Variants in SYNCRIP observed in about 807,000 individuals in gnomAD.
SYNCRIP encodes heterogeneous nuclear ribonucleoprotein Q.
Under a neutral mutation model 68.9 loss-of-function variants are expected in SYNCRIP, and 9 were observed. The ratio of observed to expected loss-of-function variants is 0.13; its 90% confidence interval spans 0.08 to 0.23. SYNCRIP has a LOEUF of 0.23. Among genes scored for constraint, SYNCRIP ranks in the 10% least tolerant of loss-of-function variants. The pLI is 1.00. For synonymous variants in SYNCRIP, 258 were observed against 254.0 expected (o/e 1.02, Z -0.15); for missense variants, 414 against 770.6 (o/e 0.54, Z 5.48).
chr6:85,623,583 A>AAAAAAAAAAAACAAAAAAC (rs1562087872), intron 7 of SYNCRIP, among the ~76,000 whole-genome samples: 1 of 144,006 alleles, frequency 6.9e-6, no homozygotes, highest in African/African-American at 2.5e-5. Flanking sequence ...AAAAAAAAAA[A>AAAAAAAAAAAACAAAAAAC]CACTCTGCTA....
At chr6:85,640,408 C>T in intron 3 of SYNCRIP, 38 bp downstream of exon 3, 1 of 1,578,824 alleles carries the variant, frequency 6.3e-7, no homozygotes. Context: ...ATCAAAACTA[C>T]TCAAATTTTT....
intron 10 of SYNCRIP, among the ~76,000 whole-genome samples, chr6:85,617,420 G>A (rs971719184): frequency 1.3e-5 from 2 of 151,962 alleles, no homozygotes; most frequent in East Asian, 1.9e-4. Context: ...ACCATATATC[G>A]TCTTCTGAAA....
In SYNCRIP at chr6:85,639,150, G is replaced by A. The variant is rs144599282; in HGVS notation, c.375+1071C>T. 7.7e-3 allele frequency among the ~76,000 whole-genome samples: 1,171 copies of A among 152,270 alleles called. 13 individuals carry two copies. Among genetic ancestry groups the A allele is most frequent in the African/African-American group, 0.027 (1,128 of 41,558 alleles). On this transcript the variant is annotated intron_variant, in intron 4 of 10. Transcript: ENST00000369622. Reference sequence around the variant, plus strand: ...TCGAACCCGCGAGGTGGAGGTTGCAGTGAGCCAAGATCACGCCACTGCACT... The same window carrying A: ...TCGAACCCGCGAGGTGGAGGTTGCAATGAGCCAAGATCACGCCACTGCACT...
chr6:85,612,803 A>C (rs146922663), downstream of SYNCRIP: 82 of 1,500,468 alleles, frequency 5.5e-5, no homozygotes, highest in Non-Finnish European at 6.7e-5. Flanking sequence ...TATACAGCCG[A>C]CATATTTAAG....
intron 6 of SYNCRIP, among the ~76,000 whole-genome samples, chr6:85,632,472 AAG>A (rs1807910762): frequency 6.6e-6 from 1 of 152,234 alleles, no homozygotes; most frequent in African/African-American, 2.4e-5. Context: ...ATACTTAGGA[AAG>A]GGGTATTCAT....
chr6:85,619,079 G>C, intron 9 of SYNCRIP, 140 bp from the exon 10 acceptor site: 1 of 1,160,776 alleles, frequency 8.6e-7, no homozygotes, highest in East Asian at 2.5e-5. Flanking sequence ...TTTATTTAAA[G>C]ATGCAGATAT....
At chr6:85,613,917 T>A, downstream of SYNCRIP, 1 of 953,826 alleles carries the variant, frequency 1.0e-6, no homozygotes, top group Admixed American at 6.2e-5. Context: ...CCTGAATTTG[T>A]CCTTTTATAC....
Position 85,614,462 on chromosome 6 carries a change from C to G in SYNCRIP, c.*294G>C, listed in dbSNP as rs189555318. 1.8e-6 allele frequency: 2 copies of G among 1,099,724 alleles called. No homozygotes were observed. Among genetic ancestry groups the G allele is most frequent in the Non-Finnish European group, 2.2e-6 (2 of 903,892 alleles). The allele number at this position is 1,099,724 out of a possible 1,614,324, so 68.1% of individuals were successfully genotyped here. On this transcript the variant is annotated 3_prime_UTR_variant, in exon 11 of 11. Transcript: ENST00000369622. ...CAAATCTAAACACTACTGGAAACAT[C>G]GTTGACACTACAGCCAAATGGACTT...
Position 85,615,351 on chromosome 6 carries a change from T to C in SYNCRIP, c.1281-4A>G. On this transcript the variant is annotated splice_polypyrimidine_tract_variant and splice_region_variant and intron_variant, in intron 10 of 10. Coordinates refer to ENST00000369622, the MANE Select transcript of SYNCRIP (RefSeq NM_006372.5). ...ATAATAGTAGTAATCGTCATACCTA[T>C]TAAAAAAGAGACAGAGATTAGAGTT... 6.8e-7 allele frequency: 1 copy of C among 1,460,126 alleles called. No individual in the cohort carries two copies. Among genetic ancestry groups the C allele is most frequent in the Non-Finnish European group, 9.1e-7 (1 of 1,099,646 alleles). The allele number at this position is 1,460,126 out of a possible 1,614,324, so 90.4% of individuals were successfully genotyped here.
At chr6:85,624,651 A>G (rs1409593725) in intron 6 of SYNCRIP, among the ~76,000 whole-genome samples, 3 of 152,250 alleles carry the variant, frequency 2.0e-5, no homozygotes, top group African/African-American at 7.2e-5. Flanking sequence ...TGAAGGAGAA[A>G]GAGAAGTAGA....
At chr6:85,624,902 G>A (rs1006750405) in intron 6 of SYNCRIP, among the ~76,000 whole-genome samples, 10 of 152,122 alleles carry the variant, frequency 6.6e-5, no homozygotes, top group Non-Finnish European at 1.3e-4. Flanking sequence ...TAATAATGGC[G>A]GCAGCAGCGG....
chr6:85,623,961 A>C lies in SYNCRIP; in HGVS notation c.802+16T>G, dbSNP rs766141415. On this transcript the variant is annotated intron_variant, in intron 7 of 10. Transcript: ENST00000369622. The stretch of plus-strand genomic sequence containing the variant: ...TTATTAAAAGCTGCACCTCATTCCA[A>C]ATAAATCCAACTTACCTGTTACTTT... The C allele has an allele frequency of 3.1e-6, 5 of 1,613,362 alleles. No homozygotes were observed. The Admixed American group carries it at 6.7e-5, about 22-fold the overall frequency.
At chr6:85,640,679 C>T in intron 2 of SYNCRIP, 115 bp from the exon 3 acceptor site, 1 of 542,810 alleles carries the variant, frequency 1.8e-6, no homozygotes. Flanking sequence ...CTCCCCTCAT[C>T]TATACCTGAA....
At chr6:85,620,235 G>C (rs1806235865) in intron 8 of SYNCRIP, among the ~76,000 whole-genome samples, 1 of 152,190 alleles carries the variant, frequency 6.6e-6, no homozygotes, top group African/African-American at 2.4e-5. Context: ...AACACAGCGA[G>C]ACTCTGTCTC....
intron 4 of SYNCRIP, among the ~76,000 whole-genome samples, chr6:85,637,595 G>T (rs1337092424): frequency 1.3e-5 from 2 of 152,180 alleles, no homozygotes. Flanking sequence ...CTTAATTACT[G>T]AATAGTGTGC....
chr6:85,624,921 A>G (rs982201941), intron 6 of SYNCRIP, among the ~76,000 whole-genome samples: 1 of 152,234 alleles, frequency 6.6e-6, no homozygotes, highest in Non-Finnish European at 1.5e-5. Flanking sequence ...GGCAATAATT[A>G]TTGATTAATC....
intron 9 of SYNCRIP, 38 bp downstream of exon 9, chr6:85,619,230 T>TA: frequency 6.3e-7 from 1 of 1,598,884 alleles, no homozygotes; most frequent in Non-Finnish European, 8.5e-7. Flanking sequence ...CTAAATTTGT[T>TA]AGTCTGATTT....
intron 6 of SYNCRIP, among the ~76,000 whole-genome samples, chr6:85,635,509 T>C (rs1256832054): frequency 6.6e-6 from 1 of 151,984 alleles, no homozygotes; most frequent in Non-Finnish European, 1.5e-5. Context: ...GTGGCACACG[T>C]CTGCAATCCC....
At chr6:85,635,774 CAAAAAAAAAA>C (rs58599854) in intron 6 of SYNCRIP, among the ~76,000 whole-genome samples, 24 of 78,918 alleles carry the variant, frequency 3.0e-4, no homozygotes, top group South Asian at 1.1e-3. Flanking sequence ...TTCTATCTCC[CAAAAAAAAAA>C]AAAAAAAAAA....
Sources: gnomAD v4.1 joint callset for allele counts (sites outside exome capture counted in the v4.1 genomes callset) on GRCh38, gnomAD v4.1.1 for gene constraint, MANE v1.5 for transcripts, NCBI Gene and HGNC (gene_info 2026-07-23, HGNC 2026-07-21) for gene names.